DUSP7: variants seen among roughly 807,000 people sequenced by gnomAD.
The protein encoded by DUSP7 is dual specificity phosphatase 7.
A neutral mutation model predicts 29.8 loss-of-function variants in DUSP7; 7 were observed. The observed-to-expected ratio is 0.24, with a 90% CI of 0.13 to 0.44. The LOEUF (loss-of-function observed/expected upper bound fraction) is 0.44, where lower values mean the gene tolerates loss of function less well. Among genes scored for constraint, DUSP7 ranks in the 20% least tolerant of loss-of-function variants. DUSP7 has a pLI of 1.00. For synonymous variants in DUSP7, 287 were observed against 275.4 expected (o/e 1.04, Z -0.42); for missense variants, 400 against 583.7 (o/e 0.69, Z 3.24).
Position 52,056,348 on chromosome 3 carries a change from C to A in DUSP7, c.19G>T (p.Gly7Cys). 8.7e-7 allele frequency: 1 copy of A among 1,146,472 alleles called. No individual in the cohort carries two copies. The highest frequency in any genetic ancestry group is 1.1e-6 in the Non-Finnish European group (1 of 935,432). 71.0% of individuals were successfully genotyped at this position (1,146,472 alleles called of 1,614,324 possible). The change falls in exon 1 of 3, where the codon GGC (glycine) becomes TGC (cysteine). Residue 7 changes from glycine to cysteine, a missense_variant. Physicochemically the swap from Gly to Cys is radical, Grantham distance 159 (BLOSUM62 -3). Around this residue, in one of 4 missense-constraint regions of DUSP7, gnomAD observed 96 missense variants for 97.1 expected, o/e 0.99. Transcript: ENST00000495880. The surrounding 1 kb of genome is among the most constrained non-coding windows in gnomAD (Gnocchi z 6.4). ...GACATGTGCGCCCGCGCTGGGGGGCCGCGGAGCTGGTTTTTCATGGGGAGC... is the reference window on the plus strand; with the variant it reads ...GACATGTGCGCCCGCGCTGGGGGGCAGCGGAGCTGGTTTTTCATGGGGAGC... The part of the protein sequence containing the change: MKNQLR[G>C]PPARAHMSTS...
At position 52,054,237 on chromosome 3, in the gene DUSP7, C is replaced by T. The variant is rs202010878; in HGVS notation, c.655G>A (p.Gly219Ser). The T allele has an allele frequency of 5.4e-5, 87 of 1,609,482 alleles. No homozygotes were observed. The highest frequency in any genetic ancestry group is 2.2e-5 in the South Asian group (2 of 90,674). ...GLRISSDCSD[G>S]ESDRELPSSA... ...CTGGGCAGCTCTCGGTCCGACTCGC[C>T]GTCGGAGCAGTCAGAGCTGATGCGC... Residue 219 changes from glycine to serine, a missense_variant, in exon 2 of 3, where the codon GGC becomes AGC. Transcript: ENST00000495880. The surrounding 1 kb of genome is among the most constrained non-coding windows in gnomAD (Gnocchi z 4.1).
chr3:52,050,706 G>T lies in DUSP7; in HGVS notation c.*109C>A. On this transcript the variant is annotated 3_prime_UTR_variant, in exon 3 of 3. Coordinates refer to ENST00000495880, the MANE Select transcript of DUSP7 (RefSeq NM_001947.4). This position sits in a 1 kb window ranked among gnomAD's most constrained non-coding sequence, Gnocchi z 5.0. ...GATCAGCCTGGGCCTCTGGGCACAG[G>T]TGACATCTGGGGGTTCCTCAGGCCA... The T allele has an allele frequency of 7.9e-7, 1 of 1,269,124 alleles. No individual in the cohort carries two copies. Among genetic ancestry groups the T allele is most frequent in the Non-Finnish European group, 1.1e-6 (1 of 928,094 alleles). 78.6% of individuals were successfully genotyped at this position (1,269,124 alleles called of 1,614,324 possible). A position where few individuals can be genotyped will look rare whatever the true frequency, so the allele number is the denominator to read the frequency against.
At chr3:52,055,551 C>T (rs984152848) in intron 1 of DUSP7, among the ~76,000 whole-genome samples, 38 of 152,168 alleles carry the variant, frequency 2.5e-4, no homozygotes, top group African/African-American at 7.7e-4. Flanking sequence ...CTCTGAGGGG[C>T]TCCACTGGAG....
Position 52,053,804 on chromosome 3 carries a change from GGGCACACGCT to G in DUSP7, c.952+126_952+135del. ...TCACAGTAGGCCTGGGTACACCCAC[GGGCACACGCT>G]GGCACACGTAGGGCACACACAGGTC... On this transcript the variant is annotated intron_variant, in intron 2 of 2. Coordinates refer to ENST00000495880, the MANE Select transcript of DUSP7 (RefSeq NM_001947.4). This position sits in a 1 kb window ranked among gnomAD's most constrained non-coding sequence, Gnocchi z 4.6. 2 of 971,578 alleles carry G rather than the reference GGGCACACGCT, an allele frequency of 2.1e-6. No homozygotes were observed. The highest frequency in any genetic ancestry group is 2.8e-4 in the Middle Eastern group (1 of 3,522). 60.2% of individuals were successfully genotyped at this position (971,578 alleles called of 1,614,324 possible). A position where few individuals can be genotyped will look rare whatever the true frequency, so the allele number is the denominator to read the frequency against.
chr3:52,052,545 C>G (rs1047328336), intron 2 of DUSP7: 2 of 152,308 alleles, frequency 1.3e-5, no homozygotes, highest in Non-Finnish European at 2.9e-5. Flanking sequence ...GTGGTGACAC[C>G]AGGATGTGAG....
Position 52,050,813 on chromosome 3 carries a change from C to T in DUSP7, c.*2G>A. The T allele has an allele frequency of 6.2e-7, 1 of 1,606,764 alleles. No homozygotes were observed. On this transcript the variant is annotated 3_prime_UTR_variant, in exon 3 of 3. Transcript: ENST00000495880. This position sits in a 1 kb window ranked among gnomAD's most constrained non-coding sequence, Gnocchi z 5.0. ...GGTGCCATGCCCCCCGTGCACCAGG[C>T]CTCACGTGGACTCCAGCGTATTGAG...
Position 52,050,908 on chromosome 3 carries a change from G to A in DUSP7, c.1167C>T (p.Ser389=), listed in dbSNP as rs779774810. 6.2e-7 allele frequency: 1 copy of A among 1,614,268 alleles called. No homozygotes were observed. ...CACTCGACGCGTGGTTGTCGCACGG[G>A]CTGCTTAGCCCCAGCGTCCGCTCAA... The part of the protein sequence containing the change: ...LDFERTLGLS[S]PCDNHASSEQ... Residue 389 remains serine, a synonymous_variant, in exon 3 of 3, where the codon AGC becomes AGT. Transcript: ENST00000495880. This position sits in a 1 kb window ranked among gnomAD's most constrained non-coding sequence, Gnocchi z 5.0.
At position 52,054,229 on chromosome 3, in the gene DUSP7, C is replaced by T. The variant is rs201078227; in HGVS notation, c.663G>A (p.Ser221=). 8.2e-5 allele frequency: 132 copies of T among 1,610,324 alleles called. No homozygotes were observed. Among genetic ancestry groups the T allele is most frequent in the Middle Eastern group, 3.3e-4 (2 of 6,054 alleles). The part of the protein sequence containing the change: ...RISSDCSDGE[S]DRELPSSATE... ...TGGCACTGCTGGGCAGCTCTCGGTCCGACTCGCCGTCGGAGCAGTCAGAGC... is the reference window on the plus strand; with the variant it reads ...TGGCACTGCTGGGCAGCTCTCGGTCTGACTCGCCGTCGGAGCAGTCAGAGC... Residue 221 remains serine, a synonymous_variant, in exon 2 of 3, where the codon TCG becomes TCA. Coordinates refer to ENST00000495880, the MANE Select transcript of DUSP7 (RefSeq NM_001947.4). This position sits in a 1 kb window ranked among gnomAD's most constrained non-coding sequence, Gnocchi z 4.1.
In DUSP7 at chr3:52,053,445, TCAC is replaced by T. The variant is rs200012864; in HGVS notation, c.952+492_952+494del. 0.01 allele frequency: 2,066 copies of T among 201,252 alleles called. 19 individuals are homozygous for T. Among genetic ancestry groups the T allele is most frequent in the Middle Eastern group, 0.036 (17 of 466 alleles). 12.5% of individuals were successfully genotyped at this position (201,252 alleles called of 1,614,324 possible). A position where few individuals can be genotyped will look rare whatever the true frequency, so the allele number is the denominator to read the frequency against. ...ATCTGGAGGCTGACTGAGCTAGCAG[TCAC>T]CACATTTCAATAGCTGCCTGTTTGG... is the stretch of plus-strand genomic sequence containing the variant. On this transcript the variant is annotated intron_variant, in intron 2 of 2. Coordinates refer to ENST00000495880, the MANE Select transcript of DUSP7 (RefSeq NM_001947.4). The surrounding 1 kb of genome is among the most constrained non-coding windows in gnomAD (Gnocchi z 4.6).
Position 52,050,713 on chromosome 3 carries a change from C to T in DUSP7, c.*102G>A. 8 of 1,326,234 alleles carry T rather than the reference C, an allele frequency of 6.0e-6. No homozygotes were observed. Among genetic ancestry groups the T allele is most frequent in the Non-Finnish European group, 8.2e-6 (8 of 976,348 alleles). 82.2% of individuals were successfully genotyped at this position (1,326,234 alleles called of 1,614,324 possible). On this transcript the variant is annotated 3_prime_UTR_variant, in exon 3 of 3. Transcript: ENST00000495880. The surrounding 1 kb of genome is among the most constrained non-coding windows in gnomAD (Gnocchi z 5.0). ...CTGGGCCTCTGGGCACAGGTGACATCTGGGGGTTCCTCAGGCCAGAGGTGG... is the reference window on the plus strand; with the variant it reads ...CTGGGCCTCTGGGCACAGGTGACATTTGGGGGTTCCTCAGGCCAGAGGTGG...
At position 52,054,333 on chromosome 3, in the gene DUSP7, C is replaced by T. The variant is rs149697661; in HGVS notation, c.559G>A (p.Glu187Lys). 4.5e-6 allele frequency: 7 copies of T among 1,561,782 alleles called. No individual in the cohort carries two copies. The African/African-American group carries it at 6.8e-5, about 15-fold the overall frequency. The stretch of plus-strand genomic sequence containing the variant: ...GAGGAAGAGCTGTCCACGTTGGTCT[C>T]GCAGTGCTCAGAGTACTCTGTTTGA... ...KFQTEYSEHC[E>K]TNVDSSSSPS... Residue 187 changes from glutamate (E) to lysine (K), a missense_variant, in exon 2 of 3, where the codon GAG becomes AAG. Glu to Lys is a moderately conservative substitution (Grantham distance 56). Transcript: ENST00000495880. The surrounding 1 kb of genome is among the most constrained non-coding windows in gnomAD (Gnocchi z 4.1).
chr3:52,053,814 TGGCACACGTAG>T lies in DUSP7; in HGVS notation c.952+115_952+125del. 4 of 1,067,594 alleles carry T rather than the reference TGGCACACGTAG, an allele frequency of 3.7e-6. No individual in the cohort carries two copies. Among genetic ancestry groups the T allele is most frequent in the Non-Finnish European group, 5.5e-6 (4 of 724,072 alleles). 66.1% of individuals were successfully genotyped at this position (1,067,594 alleles called of 1,614,324 possible). A position where few individuals can be genotyped will look rare whatever the true frequency, so the allele number is the denominator to read the frequency against. On this transcript the variant is annotated intron_variant, in intron 2 of 2. Transcript: ENST00000495880. The surrounding 1 kb of genome is among the most constrained non-coding windows in gnomAD (Gnocchi z 4.6). ...CCTGGGTACACCCACGGGCACACGCTGGCACACGTAGGGCACACACAGGTCTCAACAGGCCC... is the reference window on the plus strand; with the variant it reads ...CCTGGGTACACCCACGGGCACACGCTGGCACACACAGGTCTCAACAGGCCC...
Sources: allele counts gnomAD v4.1 joint callset (sites outside exome capture counted in the v4.1 genomes callset), GRCh38; gene constraint gnomAD v4.1.1; regional missense constraint gnomAD v4.1.1; non-coding constraint Gnocchi (gnomAD v3.1); transcripts MANE v1.5; gene names NCBI Gene and HGNC (gene_info 2026-07-23, HGNC 2026-07-21).